The following SDK1 variants were observed in gnomAD, a reference collection of about 807,000 sequenced individuals.
The protein encoded by SDK1 is sidekick cell adhesion molecule 1, also known as protein sidekick-1.
Under a neutral mutation model 245.5 loss-of-function variants are expected in SDK1, and 157 were observed. The ratio of observed to expected loss-of-function variants is 0.64; its 90% CI spans 0.56 to 0.73. The LOEUF (loss-of-function observed/expected upper bound fraction) is 0.73. Among genes scored for constraint, SDK1 ranks in the 30% least tolerant of loss-of-function variants. The pLI is 0.00. For missense variants in SDK1, 3,583 were observed against 3,002.3 expected (o/e 1.19, Z -4.52); for synonymous variants, 1,647 against 1,278.5 (o/e 1.29, Z -6.15).
chr7:3,797,354 C>T (rs1292124012), intron 4 of SDK1, among the ~76,000 whole-genome samples: 1 of 151,556 alleles, frequency 6.6e-6, no homozygotes, highest in Admixed American at 6.6e-5. Flanking sequence ...TTCTTTTTTT[C>T]TCTTTCCCTC....
chr7:4,117,171 G>C (rs567402538), intron 25 of SDK1, among the ~76,000 whole-genome samples: 45 of 152,292 alleles, frequency 3.0e-4, no homozygotes, highest in Non-Finnish European at 5.7e-4. Context: ...TAACTTTCTG[G>C]AATCTTAAAT....
intron 29 of SDK1, among the ~76,000 whole-genome samples, chr7:4,148,435 C>T (rs892637871): frequency 3.3e-5 from 5 of 152,236 alleles, no homozygotes; most frequent in African/African-American, 1.2e-4. Context: ...CCAGGCACCC[C>T]GCGTCCCGCA....
intron 17 of SDK1, among the ~76,000 whole-genome samples, chr7:4,037,138 G>A (rs1463031360): frequency 6.6e-6 from 1 of 152,166 alleles, no homozygotes; most frequent in Non-Finnish European, 1.5e-5. Context: ...ATTTGAAATT[G>A]CAATAGGAAA....
At chr7:3,611,071 T>A (rs1781574208) in intron 1 of SDK1, among the ~76,000 whole-genome samples, 1 of 152,244 alleles carries the variant, frequency 6.6e-6, no homozygotes, top group Non-Finnish European at 1.5e-5. Flanking sequence ...TCCTGAAATG[T>A]CTGACATTTA....
chr7:4,125,189 TGATGGATG>T (rs139127658), intron 25 of SDK1, among the ~76,000 whole-genome samples: 6 of 127,828 alleles, frequency 4.7e-5, no homozygotes, highest in East Asian at 2.5e-4. Flanking sequence ...GATGGATGGG[TGATGGATG>T]GATGGATGGA....
chr7:3,399,312 G>C (rs1778819285), intron 1 of SDK1, among the ~76,000 whole-genome samples: 2 of 151,752 alleles, frequency 1.3e-5, no homozygotes, highest in South Asian at 4.2e-4. Flanking sequence ...TCCTTTTTGT[G>C]ATGTCTGTCT....
intron 4 of SDK1, among the ~76,000 whole-genome samples, chr7:3,662,215 T>C (rs1161844764): frequency 1.3e-5 from 2 of 152,188 alleles, no homozygotes; most frequent in South Asian, 2.1e-4. Context: ...ATGGAACTGA[T>C]GGATCAGTGT....
intron 4 of SDK1, among the ~76,000 whole-genome samples, chr7:3,810,312 C>T (rs535199063): frequency 5.3e-4 from 81 of 152,226 alleles, no homozygotes; most frequent in Non-Finnish European, 1.1e-3. Flanking sequence ...ACATGTATTC[C>T]GCACATTTTG....
intron 1 of SDK1, among the ~76,000 whole-genome samples, chr7:3,323,319 T>A (rs577434720): frequency 1.3e-5 from 2 of 152,362 alleles, no homozygotes; most frequent in South Asian, 4.1e-4. Context: ...TTTGAGTGAA[T>A]GAATATGTTG....
chr7:4,216,398 C>T (rs1046728391), intron 38 of SDK1, among the ~76,000 whole-genome samples: 4 of 152,212 alleles, frequency 2.6e-5, no homozygotes, highest in Non-Finnish European at 4.4e-5. Flanking sequence ...CTCCCGTCTG[C>T]TCCTCCCCGA....
chr7:3,674,112 T>C (rs995352068), intron 4 of SDK1, among the ~76,000 whole-genome samples: 2 of 152,174 alleles, frequency 1.3e-5, no homozygotes, highest in African/African-American at 2.4e-5. Context: ...ACCGATCACA[T>C]GTTGATTGAA....
At chr7:3,924,548 C>T (rs891604402) in intron 5 of SDK1, among the ~76,000 whole-genome samples, 7 of 152,138 alleles carry the variant, frequency 4.6e-5, no homozygotes, top group Non-Finnish European at 1.0e-4. Flanking sequence ...CCGATGCTGC[C>T]AGGAATTCTG....
At chr7:3,575,383 G>C (rs1456816388) in intron 1 of SDK1, among the ~76,000 whole-genome samples, 1 of 151,914 alleles carries the variant, frequency 6.6e-6, no homozygotes, top group Non-Finnish European at 1.5e-5. Flanking sequence ...CCTCCCAAAG[G>C]TCCTATCTCC....
In SDK1 at chr7:4,232,407, C is replaced by CTTTTTTTTTTTTT. The variant is rs201396862; in HGVS notation, c.5828-845_5828-844insTTTTTTTTTTTTT. Among the ~76,000 whole-genome samples, 141 of 73,116 alleles carry CTTTTTTTTTTTTT rather than the reference C, an allele frequency of 1.9e-3. 1 individual carries two copies. The highest frequency in any genetic ancestry group is 2.3e-3 in the Non-Finnish European group (88 of 38,614). 48.0% of individuals were successfully genotyped at this position (73,116 alleles called of 152,430 possible). A position where few individuals can be genotyped will look rare whatever the true frequency, so the allele number is the denominator to read the frequency against. On this transcript the variant is annotated intron_variant, in intron 40 of 44. Coordinates refer to ENST00000404826, the MANE Select transcript of SDK1 (RefSeq NM_152744.4). Reference sequence around the variant, plus strand: ...TTCTTTTTTTCTTTTCTTTTCTTTTCTTTCTTTTTTTTTTTTTTTTGTTAT... The same window carrying CTTTTTTTTTTTTT: ...TTCTTTTTTTCTTTTCTTTTCTTTTCTTTTTTTTTTTTTTTTCTTTTTTTTTTTTTTTTGTTAT...
intron 1 of SDK1, among the ~76,000 whole-genome samples, chr7:3,390,894 AAT>A (rs1304407497): frequency 6.6e-6 from 1 of 152,190 alleles, no homozygotes; most frequent in African/African-American, 2.4e-5. Flanking sequence ...CTAGGAAATG[AAT>A]ATGTCTTCTG....
At position 3,737,795 on chromosome 7, in the gene SDK1, C is replaced by G. The variant is rs115955632; in HGVS notation, c.714-83655C>G. 1.9e-3 allele frequency among the ~76,000 whole-genome samples: 297 copies of G among 152,318 alleles called. 2 individuals are homozygous for G. The highest frequency in any genetic ancestry group is 6.8e-3 in the African/African-American group (281 of 41,566). On this transcript the variant is annotated intron_variant, in intron 4 of 44. Coordinates refer to ENST00000404826, the MANE Select transcript of SDK1 (RefSeq NM_152744.4). The stretch of plus-strand genomic sequence containing the variant: ...CAATGCTAGGGAAGCTGGATGTCCA[C>G]CTTAGGCTCTCTTTTTCCCTACTGG...
At chr7:4,056,760 A>G (rs1048019602) in intron 19 of SDK1, among the ~76,000 whole-genome samples, 1 of 152,134 alleles carries the variant, frequency 6.6e-6, no homozygotes, top group African/African-American at 2.4e-5. Flanking sequence ...AGCAGCTACT[A>G]TGCAGTGCTG....
chr7:3,389,202 A>T (rs1781683862), intron 1 of SDK1, among the ~76,000 whole-genome samples: 1 of 152,180 alleles, frequency 6.6e-6, no homozygotes, highest in African/African-American at 2.4e-5. Flanking sequence ...CCAGGTTCTA[A>T]TTCCTAGAAC....
rs559258689 is a variant in SDK1, at chr7:3,538,027, C to G, written c.299-81053C>G. Among the ~76,000 whole-genome samples the G allele has an allele frequency of 3.3e-5, 5 of 152,278 alleles. No homozygotes were observed. The South Asian group carries it at 1.0e-3, about 32-fold the overall frequency. On this transcript the variant is annotated intron_variant, in intron 1 of 44. Transcript: ENST00000404826. ...CCAGGCACTGATGGTTTTTTTCCTG[C>G]CTTTCGTGGAGTCTTTCTTATTTTG...
Sources: allele counts gnomAD v4.1 joint callset (sites outside exome capture counted in the v4.1 genomes callset), GRCh38; gene constraint gnomAD v4.1.1; transcripts MANE v1.5; gene names NCBI Gene and HGNC (gene_info 2026-07-23, HGNC 2026-07-21).